Variants in SLC28A3 observed in about 807,000 individuals in gnomAD.
The protein encoded by SLC28A3 is concentrative Na(+)-nucleoside cotransporter 3.
A neutral mutation model predicts 84.2 loss-of-function variants in SLC28A3; 68 were observed. The observed-to-expected ratio is 0.81, with a 90% CI of 0.66 to 0.99. The LOEUF (loss-of-function observed/expected upper bound fraction) is 0.99. Ranked by LOEUF, SLC28A3 falls within the 50% of genes least tolerant of loss-of-function variation. The pLI is 0.00. For missense variants in SLC28A3, 712 were observed against 841.5 expected (o/e 0.85, Z 1.90); for synonymous variants, 267 against 303.6 (o/e 0.88, Z 1.25).
At chr9:84,305,513 AG>A (rs1825763284) in intron 3 of SLC28A3, among the ~76,000 whole-genome samples, 168 bp from the exon 4 acceptor site, 1 of 152,228 alleles carries the variant, frequency 6.6e-6, no homozygotes, top group Non-Finnish European at 1.5e-5. Flanking sequence ...TTTAGACTAG[AG>A]TCAGCCATGA....
chr9:84,298,068 G>A (rs1219266174), intron 6 of SLC28A3, 49 bp from the exon 7 acceptor site: 1 of 1,459,980 alleles, frequency 6.8e-7, no homozygotes, highest in Non-Finnish European at 9.5e-7. Context: ...ATTAATGCAG[G>A]CCGTGGCATG....
chr9:84,334,849 T>C (rs1452524086), intron 1 of SLC28A3, among the ~76,000 whole-genome samples: 1 of 152,124 alleles, frequency 6.6e-6, no homozygotes, highest in Non-Finnish European at 1.5e-5. Flanking sequence ...AGTGAACCCG[T>C]GGCCTCACTC....
chr9:84,341,428 A>G (rs28629238), upstream of SLC28A3, among the ~76,000 whole-genome samples: 59,468 of 151,872 alleles, frequency 0.39, 16,649 homozygotes, highest in African/African-American at 0.79. Flanking sequence ...AGGGATGGAT[A>G]GATGGATAGA....
At chr9:84,335,246 C>T (rs558156918) in intron 1 of SLC28A3, among the ~76,000 whole-genome samples, 1 of 152,252 alleles carries the variant, frequency 6.6e-6, no homozygotes, top group East Asian at 1.9e-4. Context: ...AGATTTTCTA[C>T]CTAAATAAAG....
chr9:84,302,220 G>T lies in SLC28A3; in HGVS notation c.504C>A (p.Ser168Arg), dbSNP rs543574325. ...TTTACCACTTCAGCCAGAACCAATG[G>T]CTGTTTAGAAGCCTTCTGCCAGGAG... is the stretch of plus-strand genomic sequence containing the variant. ...MLSPGRRLLN[S>R]HWFWLKWVIW... Residue 168 changes from serine (S) to arginine (R), a missense_variant, in exon 5 of 18, where the codon AGC becomes AGA. Physicochemically the swap from Ser to Arg is moderately radical, Grantham distance 110. Coordinates refer to ENST00000376238, the MANE Select transcript of SLC28A3 (RefSeq NM_001199633.2). 1.2e-5 allele frequency: 19 copies of T among 1,613,950 alleles called. No individual in the cohort carries two copies. Among genetic ancestry groups the T allele is most frequent in the Admixed American group, 1.7e-5 (1 of 60,002 alleles).
intron 2 of SLC28A3, among the ~76,000 whole-genome samples, chr9:84,309,920 A>C (rs1825935692): frequency 6.6e-6 from 1 of 151,794 alleles, no homozygotes. Context: ...TTCATACTGA[A>C]CTCTTCCTTT....
chr9:84,287,688 C>A (rs1400944817), intron 12 of SLC28A3, among the ~76,000 whole-genome samples: 1 of 151,776 alleles, frequency 6.6e-6, no homozygotes, highest in African/African-American at 2.4e-5. Context: ...ATAGTGAGAC[C>A]CTGTTTCTAA....
At chr9:84,289,224 G>A (rs555432843) in intron 11 of SLC28A3, among the ~76,000 whole-genome samples, 156 of 152,306 alleles carry the variant, frequency 1.0e-3, no homozygotes, top group Middle Eastern at 3.4e-3. Context: ...CTCCACAGGT[G>A]TCCTTTGCTC....
chr9:84,333,214 A>ATGCATTTGTATCTGGGGTGAC (rs1826852226), intron 1 of SLC28A3, among the ~76,000 whole-genome samples: 1 of 152,222 alleles, frequency 6.6e-6, no homozygotes, highest in Admixed American at 6.5e-5. Context: ...ACAATCAGAT[A>ATGCATTTGTATCTGGGGTGAC]TGCATTTGTA....
chr9:84,287,969 AT>A, intron 12 of SLC28A3, 78 bp downstream of exon 12: 1 of 1,573,982 alleles, frequency 6.4e-7, no homozygotes. Context: ...CGGTTATCAA[AT>A]TTTTGCTGTA....
intron 10 of SLC28A3, among the ~76,000 whole-genome samples, chr9:84,290,832 A>AAAACAAACAAACAAACAAAC (rs59932389): frequency 2.7e-5 from 4 of 150,816 alleles, no homozygotes; most frequent in African/African-American, 9.8e-5. Flanking sequence ...ACAAGCATTA[A>AAAACAAACAAACAAACAAAC]AAACAAACAA....
At chr9:84,363,724 T>A in the SLC28A3 span, among the ~76,000 whole-genome samples, 2 of 152,178 alleles carry the variant, frequency 1.3e-5, no homozygotes, top group African/African-American at 4.8e-5. Context: ...CATGTCCCAC[T>A]GTGTTTCCAA....
At chr9:84,329,274 G>C (rs1204995957) in intron 1 of SLC28A3, among the ~76,000 whole-genome samples, 2 of 152,158 alleles carry the variant, frequency 1.3e-5, no homozygotes, top group Non-Finnish European at 2.9e-5. Context: ...TCAATAGCTG[G>C]ATATTTCATT....
At chr9:84,287,961 GT>G in intron 12 of SLC28A3, 86 bp downstream of exon 12, 1 of 1,543,518 alleles carries the variant, frequency 6.5e-7, no homozygotes. Context: ...GTGCTTTCCG[GT>G]TATCAAATTT....
At position 84,294,235 on chromosome 9, in the gene SLC28A3, A is replaced by G. The variant is rs758382193; in HGVS notation, c.902T>C (p.Met301Thr). Residue 301 changes from methionine to threonine, a missense_variant, in exon 9 of 18, where the codon ATG (methionine) becomes ACG (threonine). Physicochemically the swap from Met to Thr is moderately conservative, Grantham distance 81. Coordinates refer to ENST00000376238, the MANE Select transcript of SLC28A3 (RefSeq NM_001199633.2). Reference sequence around the variant, plus strand: ...CTGCATCAGTCCCAGGTAGTACAGCATGGACATCACAGTGCTGAAGAAAAC... The same window carrying G: ...CTGCATCAGTCCCAGGTAGTACAGCGTGGACATCACAGTGCTGAAGAAAAC... Reference protein sequence around the residue: ...IVVFFSTVMSMLYYLGLMQWI... With the variant: ...IVVFFSTVMSTLYYLGLMQWI... 2.5e-6 allele frequency: 4 copies of G among 1,614,154 alleles called. No homozygotes were observed. Among genetic ancestry groups the G allele is most frequent in the Admixed American group, 1.7e-5 (1 of 60,024 alleles).
At chr9:84,322,948 A>G (rs1826425882) in intron 1 of SLC28A3, among the ~76,000 whole-genome samples, 1 of 152,244 alleles carries the variant, frequency 6.6e-6, no homozygotes, top group Non-Finnish European at 1.5e-5. Flanking sequence ...AACTTTGGAA[A>G]GTCCTTTGAT....
intron 1 of SLC28A3, among the ~76,000 whole-genome samples, chr9:84,316,314 A>T (rs891555428): frequency 6.6e-6 from 1 of 152,252 alleles, no homozygotes; most frequent in Admixed American, 6.5e-5. Context: ...ATGGTCACCT[A>T]GGAAAAAGAT....
chr9:84,322,577 G>A (rs1420836323), intron 1 of SLC28A3, among the ~76,000 whole-genome samples: 2 of 152,164 alleles, frequency 1.3e-5, no homozygotes, highest in Non-Finnish European at 2.9e-5. Flanking sequence ...CAGTGTGGTG[G>A]CTGATGCCCA....
chr9:84,327,638 CT>C (rs1302703119), intron 1 of SLC28A3, among the ~76,000 whole-genome samples: 1 of 152,072 alleles, frequency 6.6e-6, no homozygotes, highest in Non-Finnish European at 1.5e-5. Context: ...AAACTCCTCC[CT>C]GTCTTGGATG....
Sources: gnomAD v4.1 joint callset for allele counts (sites outside exome capture counted in the v4.1 genomes callset) on GRCh38, gnomAD v4.1.1 for gene constraint, MANE v1.5 for transcripts, NCBI Gene and HGNC (gene_info 2026-07-23, HGNC 2026-07-21) for gene names.